SLC2A14: variants seen among roughly 807,000 people sequenced by gnomAD.
SLC2A14 encodes the protein solute carrier family 2, facilitated glucose transporter member 14.
SLC2A14 carries 13 observed loss-of-function variants against 43.0 expected under a neutral mutation model. The ratio of observed to expected loss-of-function variants is 0.30; its 90% CI spans 0.20 to 0.48. The LOEUF (loss-of-function observed/expected upper bound fraction) is 0.48, where lower values mean the gene tolerates loss of function less well. Among genes scored for constraint, SLC2A14 ranks in the 20% least tolerant of loss-of-function variants. SLC2A14 has a pLI of 0.99. For missense variants in SLC2A14, 428 were observed against 620.4 expected (o/e 0.69, Z 3.29); for synonymous variants, 190 against 233.8 (o/e 0.81, Z 1.71).
rs1382994860 is a variant in SLC2A14 at position 7,829,983 on chromosome 12, T to C, written c.296A>G (p.Asn99Ser). 13 of 1,614,072 alleles carry C rather than the reference T, an allele frequency of 8.1e-6. No homozygotes were observed. Among genetic ancestry groups the C allele is most frequent in the Non-Finnish European group, 1.0e-5 (12 of 1,180,042 alleles). Reference protein sequence around the residue: ...FGRRNSMLIVNLLAATGGCLM... With the variant: ...FGRRNSMLIVSLLAATGGCLM... The stretch of plus-strand genomic sequence containing the variant: ...GCAGCCACCAGTGGCAGCCAACAGG[T>C]TGACAATCAGCATTGAATTGCGCCT... Residue 99 changes from asparagine to serine, a missense_variant, in exon 5 of 11, where the codon AAC becomes AGC. By Grantham distance (46) the Asn-to-Ser change is conservative (BLOSUM62 1). Transcript: ENST00000431042.
intron 7 of SLC2A14, among the ~76,000 whole-genome samples, chr12:7,827,154 C>T (rs1474099944): frequency 6.7e-6 from 1 of 148,378 alleles, no homozygotes; most frequent in Non-Finnish European, 1.5e-5. Context: ...CTGGTTGCTC[C>T]GGCTGGAGTG....
At chr12:7,845,823 G>A (rs1866423824) in intron 2 of SLC2A14, among the ~76,000 whole-genome samples, 1 of 149,416 alleles carries the variant, frequency 6.7e-6, no homozygotes, top group South Asian at 2.1e-4. Context: ...CAGGCGTGGT[G>A]GCTCACGCCT....
At chr12:7,886,386 ATTTT>A (rs1430943460) in intron 1 of SLC2A14, among the ~76,000 whole-genome samples, 3 of 111,236 alleles carry the variant, frequency 2.7e-5, no homozygotes, top group African/African-American at 9.8e-5. Flanking sequence ...TTATTTATTT[ATTTT>A]GAGACAGAGT....
At chr12:7,829,660 T>C (rs1254134957) in intron 5 of SLC2A14, 106 bp downstream of exon 5, 2 of 1,462,624 alleles carry the variant, frequency 1.4e-6, no homozygotes, top group African/African-American at 1.4e-5. Context: ...AAAACTTCCA[T>C]ATGTAATTGA....
rs1206418312 is a variant in SLC2A14, at chr12:7,821,224, A to G, written c.966T>C (p.Leu322=). 1.2e-6 allele frequency: 2 copies of G among 1,611,324 alleles called. No homozygotes were observed. The highest frequency in any genetic ancestry group is 1.1e-5 in the South Asian group (1 of 90,832). The stretch of plus-strand genomic sequence containing the variant: ...ATTATCAAACCATCCAACTTACAGA[A>G]AGTAAAGTGAAGATAGTATTAACCA... ...AGVVNTIFTL[L]SLFLVERAGR... is the part of the protein sequence containing the mutation. Residue 322 remains leucine, a synonymous_variant, in exon 8 of 11, where the codon CTT becomes CTC. Transcript: ENST00000431042.
At chr12:7,869,156 A>AAAAAC (rs576975625) in intron 2 of SLC2A14, among the ~76,000 whole-genome samples, 9,882 of 151,040 alleles carry the variant, frequency 0.065, 381 homozygotes, top group African/African-American at 0.097. Context: ...AAAAAAAAAA[A>AAAAAC]AACAGTGTTG....
Position 7,821,324 on chromosome 12 carries a change from A to G in SLC2A14, c.866T>C (p.Val289Ala). ...LSQQLSGINA[V>A]FYYSTGIFKD... The stretch of plus-strand genomic sequence containing the variant: ...GAAGATTCCTGTTGAGTAATAGAAC[A>G]CCTAGGAGAAAAGAAAACATGCAGC... Residue 289 changes from valine (V) to alanine (A), a missense_variant and splice_region_variant, in exon 8 of 11, where the codon GTG (valine) becomes GCG (alanine). Around this residue, in one of 4 missense-constraint regions of SLC2A14, gnomAD observed 185 missense variants for 275.4 expected, o/e 0.67. Transcript: ENST00000431042. The G allele has an allele frequency of 6.2e-7, 1 of 1,612,020 alleles. No individual in the cohort carries two copies. The highest frequency in any genetic ancestry group is 8.5e-7 in the Non-Finnish European group (1 of 1,178,356).
chr12:7,813,169 T>C lies in SLC2A14; in HGVS notation c.*1147A>G, dbSNP rs1863169028. 6.6e-6 allele frequency: 1 copy of C among 151,600 alleles called. No homozygotes were observed. Among genetic ancestry groups the C allele is most frequent in the Non-Finnish European group, 1.5e-5 (1 of 67,912 alleles). 9.4% of individuals were successfully genotyped at this position (151,600 alleles called of 1,614,324 possible). A position where few individuals can be genotyped will look rare whatever the true frequency, so the allele number is the denominator to read the frequency against. On this transcript the variant is annotated 3_prime_UTR_variant, in exon 11 of 11. Coordinates refer to ENST00000431042, the MANE Select transcript of SLC2A14 (RefSeq NM_001286234.2). Reference sequence around the variant, plus strand: ...CAAATTCCAAGTTTGCTGTAAACATTCTTTGGGGAATTCCTTTAAAGGTAT... The same window carrying C: ...CAAATTCCAAGTTTGCTGTAAACATCCTTTGGGGAATTCCTTTAAAGGTAT...
At chr12:7,830,162 T>C (rs1230262593) in intron 4 of SLC2A14, among the ~76,000 whole-genome samples, 156 bp from the exon 5 acceptor site, 1 of 151,666 alleles carries the variant, frequency 6.6e-6, no homozygotes, top group Non-Finnish European at 1.5e-5. Flanking sequence ...TCTTTCTTTT[T>C]TTTTTTTTGA....
intron 2 of SLC2A14, among the ~76,000 whole-genome samples, chr12:7,836,495 C>T (rs942293801): frequency 6.6e-6 from 1 of 152,128 alleles, no homozygotes; most frequent in Non-Finnish European, 1.5e-5. Context: ...GCTGGGATTA[C>T]AGGCGTGAGC....
chr12:7,863,619 T>TA (rs1336497496), intron 2 of SLC2A14, among the ~76,000 whole-genome samples: 112 of 150,624 alleles, frequency 7.4e-4, no homozygotes, highest in African/African-American at 1.3e-3. Context: ...GACTCCATCT[T>TA]AAAAAAAAAT....
intron 2 of SLC2A14, chr12:7,863,441 A>C (rs1335049454): frequency 2.2e-6 from 1 of 453,348 alleles, no homozygotes; most frequent in Non-Finnish European, 4.4e-6. Context: ...CATGGCCACC[A>C]TTGTGAAACT....
At chr12:7,881,261 C>T (rs1028355200) in intron 1 of SLC2A14, among the ~76,000 whole-genome samples, 5 of 152,100 alleles carry the variant, frequency 3.3e-5, no homozygotes, top group Non-Finnish European at 7.4e-5. Flanking sequence ...GCTCCCTCAG[C>T]TTGCGGGAGG....
intron 7 of SLC2A14, among the ~76,000 whole-genome samples, chr12:7,826,897 C>CTT (rs1312395381): frequency 3.1e-5 from 2 of 64,046 alleles, no homozygotes; most frequent in South Asian, 4.6e-4. Context: ...TTCTTTCTTT[C>CTT]TTTCTTTCTT....
chr12:7,826,918 T>C (rs1864479545), intron 7 of SLC2A14, among the ~76,000 whole-genome samples: 1 of 120,144 alleles, frequency 8.3e-6, no homozygotes, highest in African/African-American at 3.0e-5. Context: ...TCTTTCTTTT[T>C]CCTTTTTCTT....
intron 1 of SLC2A14, 36 bp from the exon 2 acceptor site, chr12:7,869,973 C>CAGATAAGGGGCCCAA: frequency 7.4e-7 from 1 of 1,359,226 alleles, no homozygotes; most frequent in Non-Finnish European, 1.0e-6. Context: ...TCATTTACTC[C>CAGATAAGGGGCCCAA]ATCTACTTAA....
chr12:7,824,728 CAAAAAAA>C (rs59362614), intron 7 of SLC2A14, among the ~76,000 whole-genome samples: 1 of 113,344 alleles, frequency 8.8e-6, no homozygotes. Context: ...GACTCTGTCT[CAAAAAAA>C]AAAAAAAAAA....
chr12:7,852,802 T>A (rs1448802270), intron 2 of SLC2A14, among the ~76,000 whole-genome samples: 1 of 152,058 alleles, frequency 6.6e-6, no homozygotes, highest in East Asian at 1.9e-4. Flanking sequence ...AAATCTCCAA[T>A]GAGATCCTGT....
chr12:7,846,693 G>A (rs1209275742), intron 2 of SLC2A14, among the ~76,000 whole-genome samples: 5 of 150,484 alleles, frequency 3.3e-5, no homozygotes, highest in African/African-American at 4.9e-5. Context: ...GTGTAATGGC[G>A]TGATCTTGGC....
Sources: allele counts gnomAD v4.1 joint callset (sites outside exome capture counted in the v4.1 genomes callset), GRCh38; gene constraint gnomAD v4.1.1; regional missense constraint gnomAD v4.1.1; transcripts MANE v1.5; gene names NCBI Gene and HGNC (gene_info 2026-07-23, HGNC 2026-07-21).